The following RBM38 variants were observed in gnomAD, a reference collection of about 807,000 sequenced individuals.
The protein encoded by RBM38 is RNA-binding protein 38.
Under a neutral mutation model 23.5 loss-of-function variants are expected in RBM38, and 11 were observed. The observed-to-expected ratio is 0.47, with a 90% CI of 0.29 to 0.77. The LOEUF (loss-of-function observed/expected upper bound fraction) is 0.77, where lower values mean the gene tolerates loss of function less well. RBM38 is among the 30% of genes least tolerant of loss of function. RBM38 has a pLI of 0.08. For missense variants in RBM38, 330 were observed against 351.9 expected (o/e 0.94, Z 0.50); for synonymous variants, 165 against 166.1 (o/e 0.99, Z 0.05).
At chr20:57,397,253 T>A (rs186083456) in intron 3 of RBM38, among the ~76,000 whole-genome samples, 8 of 152,354 alleles carry the variant, frequency 5.3e-5, no homozygotes, top group Non-Finnish European at 1.2e-4. Flanking sequence ...CTTCAGGGTC[T>A]GTTGATTGAT....
At chr20:57,397,278 C>T (rs117234321) in intron 3 of RBM38, among the ~76,000 whole-genome samples, 2,680 of 152,344 alleles carry the variant, frequency 0.018, 40 homozygotes, top group Non-Finnish European at 0.026. Flanking sequence ...TGTGCAAAAC[C>T]GAGGCTTAGA....
At chr20:57,405,767 G>C (rs746299710) in intron 3 of RBM38, among the ~76,000 whole-genome samples, 2 of 150,036 alleles carry the variant, frequency 1.3e-5, no homozygotes, top group African/African-American at 4.9e-5. Context: ...GAGGGAGCTC[G>C]CAGGGCTCCT....
chr20:57,392,605 G>T, intron 1 of RBM38, 49 bp from the exon 2 acceptor site: 2 of 1,571,824 alleles, frequency 1.3e-6, no homozygotes, highest in East Asian at 2.3e-5. Context: ...TGCCCCTTTC[G>T]CCCCTGGTTC....
chr20:57,406,075 G>A (rs527750137), intron 3 of RBM38, among the ~76,000 whole-genome samples: 9 of 152,334 alleles, frequency 5.9e-5, no homozygotes, highest in Admixed American at 2.0e-4. Context: ...ACACGCAGGC[G>A]TGCAAGGCAG....
At chr20:57,402,190 C>G (rs2067335354) in intron 3 of RBM38, among the ~76,000 whole-genome samples, 1 of 152,172 alleles carries the variant, frequency 6.6e-6, no homozygotes, top group Non-Finnish European at 1.5e-5. Flanking sequence ...CATGATCCGC[C>G]CGCCTCGGCC....
intron 1 of RBM38, 103 bp downstream of exon 1, chr20:57,391,921 CCCCGCCCCAGGCGCCTCCAGCCGGCG>C: frequency 1.2e-6 from 1 of 844,216 alleles, no homozygotes; most frequent in South Asian, 5.5e-5. Flanking sequence ...CCGCTGCCGC[CCCCGCCCCAGGCGCCTCCAGCCGGCG>C]CCCGCACCTG....
intron 3 of RBM38, 111 bp downstream of exon 3, chr20:57,393,444 AT>A (rs773374262): frequency 1.7e-6 from 2 of 1,210,508 alleles, no homozygotes; most frequent in Non-Finnish European, 2.5e-6. Flanking sequence ...CAGACATTTG[AT>A]TGCGTTTAAG....
rs1212555086 is a variant in RBM38, at chr20:57,391,441, C to G, written c.-141C>G. ...GTCGGGAGCGCAGCGCGGCGCACGT[C>G]GGCGCGCACGGCGGGACGGGCGCCG... On this transcript the variant is annotated 5_prime_UTR_variant, in exon 1 of 4. Coordinates refer to ENST00000356208, the MANE Select transcript of RBM38 (RefSeq NM_017495.6). 6.7e-6 allele frequency: 1 copy of G among 149,938 alleles called. No individual in the cohort carries two copies. Among genetic ancestry groups the G allele is most frequent in the African/African-American group, 2.5e-5 (1 of 40,640 alleles). 9.3% of individuals were successfully genotyped at this position (149,938 alleles called of 1,614,324 possible).
chr20:57,391,766 A>C lies in RBM38; in HGVS notation c.185A>C (p.Glu62Ala). The change falls in exon 1 of 4, where the codon GAG becomes GCG. Residue 62 changes from glutamate to alanine, a missense_variant. Physicochemically the swap from Glu to Ala is moderately radical, Grantham distance 107. Coordinates refer to ENST00000356208, the MANE Select transcript of RBM38 (RefSeq NM_017495.6). ...KYFEGFGDIE[E>A]AVVITDRQTG... is the part of the protein sequence containing the mutation. ...TTCGAGGGCTTCGGCGACATCGAGGAGGCCGTGGTCATCACCGACCGCCAG... is the reference window on the plus strand; with the variant it reads ...TTCGAGGGCTTCGGCGACATCGAGGCGGCCGTGGTCATCACCGACCGCCAG... 1.3e-6 allele frequency: 2 copies of C among 1,572,020 alleles called. No individual in the cohort carries two copies. Among genetic ancestry groups the C allele is most frequent in the South Asian group, 1.1e-5 (1 of 87,188 alleles).
chr20:57,392,600 C>T (rs955144439), intron 1 of RBM38, 54 bp from the exon 2 acceptor site: 1 of 1,567,098 alleles, frequency 6.4e-7, no homozygotes, highest in African/African-American at 1.4e-5. Context: ...CCGTCTGCCC[C>T]TTTCGCCCCT....
chr20:57,393,153 G>A, intron 2 of RBM38, 126 bp from the exon 3 acceptor site: 2 of 931,464 alleles, frequency 2.1e-6, no homozygotes, highest in Non-Finnish European at 3.5e-6. Flanking sequence ...CCTGGGAGGG[G>A]AGAGGAAGCG....
intron 3 of RBM38, among the ~76,000 whole-genome samples, chr20:57,405,863 G>A (rs1031333694): frequency 1.2e-4 from 18 of 152,200 alleles, no homozygotes; most frequent in African/African-American, 4.1e-4. Flanking sequence ...TGGGGAGGGA[G>A]CACTGTGTTT....
At position 57,408,132 on chromosome 20, in the gene RBM38, C is replaced by G; in HGVS notation, c.*286C>G. 4.0e-6 allele frequency: 2 copies of G among 501,064 alleles called. No individual in the cohort carries two copies. The highest frequency in any genetic ancestry group is 7.3e-6 in the Non-Finnish European group (2 of 274,034). 31.0% of individuals were successfully genotyped at this position (501,064 alleles called of 1,614,324 possible). ...TGCACACCATGGCAGCCTCTCCTTGCACCTTCTCCTGCCTCTCCACACTCC... is the reference window on the plus strand; with the variant it reads ...TGCACACCATGGCAGCCTCTCCTTGGACCTTCTCCTGCCTCTCCACACTCC... On this transcript the variant is annotated 3_prime_UTR_variant, in exon 4 of 4. Coordinates refer to ENST00000356208, the MANE Select transcript of RBM38 (RefSeq NM_017495.6).
intron 3 of RBM38, among the ~76,000 whole-genome samples, chr20:57,400,713 C>G (rs2067318549): frequency 6.6e-6 from 1 of 152,036 alleles, no homozygotes. Flanking sequence ...GATTAATTCT[C>G]TGGTAAACAG....
chr20:57,401,986 T>C (rs370875257), intron 3 of RBM38, among the ~76,000 whole-genome samples: 1 of 152,106 alleles, frequency 6.6e-6, no homozygotes, highest in South Asian at 2.1e-4. Flanking sequence ...TCTCGCTCTG[T>C]CTCCAGGCTG....
At chr20:57,395,801 G>T (rs564309533) in intron 3 of RBM38, among the ~76,000 whole-genome samples, 1 of 152,178 alleles carries the variant, frequency 6.6e-6, no homozygotes, top group Non-Finnish European at 1.5e-5. Flanking sequence ...GGCCGTCAGC[G>T]TCCCTTTTGT....
chr20:57,395,994 T>C (rs328494), intron 3 of RBM38, among the ~76,000 whole-genome samples: 150,612 of 152,312 alleles, frequency 0.99, 74,464 homozygotes, highest in Middle Eastern at 1. Flanking sequence ...AACTCTTCCT[T>C]GACTTTCTGA....
Position 57,392,768 on chromosome 20 carries a change from C to G in RBM38, c.352C>G (p.Leu118Val), listed in dbSNP as rs140394996. The change falls in exon 2 of 4, where the codon CTC (leucine) becomes GTC (valine). Residue 118 changes from leucine to valine, a missense_variant. Around this residue, in one of 3 missense-constraint regions of RBM38, gnomAD observed 227 missense variants for 216.4 expected, o/e 1.05. Transcript: ENST00000356208. ...ATATCTGGGCGCCAAGCCGCGGAGC[C>G]TCCAGACGGGTGAGAGCTTGTGTTT... ...LAYLGAKPRS[L>V]QTGFAIGVQQ... The G allele has an allele frequency of 7.8e-5, 126 of 1,613,006 alleles. 1 individual carries two copies. The East Asian group carries it at 2.8e-3, about 35-fold the overall frequency.
intron 3 of RBM38, among the ~76,000 whole-genome samples, chr20:57,398,645 G>A (rs2067298759): frequency 6.6e-6 from 1 of 152,212 alleles, no homozygotes; most frequent in Non-Finnish European, 1.5e-5. Flanking sequence ...TGCCGCACCT[G>A]TTGTTTGTCC....
Sources: allele counts gnomAD v4.1 joint callset (sites outside exome capture counted in the v4.1 genomes callset), GRCh38; gene constraint gnomAD v4.1.1; regional missense constraint gnomAD v4.1.1; transcripts MANE v1.5; gene names NCBI Gene and HGNC (gene_info 2026-07-23, HGNC 2026-07-21).